The following ZNF519 variants were observed in gnomAD, a reference collection of about 807,000 sequenced individuals.
ZNF519 encodes the protein zinc finger protein 519.
A neutral mutation model predicts 7.4 loss-of-function variants in ZNF519; 7 were observed. That is an observed-to-expected ratio of 0.94 (90% CI 0.54 to 1.77). The LOEUF (loss-of-function observed/expected upper bound fraction) is 1.77, where lower values mean the gene tolerates loss of function less well. Among genes scored for constraint, ZNF519 ranks in the 40% most tolerant of loss-of-function variants. The pLI is 0.00. For synonymous variants in ZNF519, 179 were observed against 203.3 expected, an observed-to-expected ratio of 0.88 and a Z score of 1.02; for missense variants, 586 against 623.1, an observed-to-expected ratio of 0.94 and a Z score of 0.63.
At chr18:14,118,317 C>T (rs573486889) in intron 2 of ZNF519, among the ~76,000 whole-genome samples, 1 of 152,146 alleles carries the variant, frequency 6.6e-6, no homozygotes, top group African/African-American at 2.4e-5. Context: ...CTCGGCCTAC[C>T]AAAGTGCTGG....
chr18:14,085,538 C>T (rs1260061152), intron 2 of ZNF519, among the ~76,000 whole-genome samples: 1 of 152,074 alleles, frequency 6.6e-6, no homozygotes, highest in Non-Finnish European at 1.5e-5. Flanking sequence ...AGCACAAAAG[C>T]ACCTTTACAA....
intron 2 of ZNF519, among the ~76,000 whole-genome samples, chr18:14,114,897 C>G (rs2046238188): frequency 6.6e-6 from 1 of 151,986 alleles, no homozygotes; most frequent in Non-Finnish European, 1.5e-5. Flanking sequence ...CAAAATATCT[C>G]ATGTAACCCA....
Position 14,105,400 on chromosome 18 carries a change from T to C in ZNF519, c.1140A>G (p.Glu380=), listed in dbSNP as rs764836094. The C allele has an allele frequency of 2.5e-6, 4 of 1,613,930 alleles. No individual in the cohort carries two copies. Among genetic ancestry groups the C allele is most frequent in the African/African-American group, 2.7e-5 (2 of 74,906 alleles). The change falls in exon 3 of 3, where the codon GAA becomes GAG. Residue 380 remains glutamate, a synonymous_variant. Coordinates refer to ENST00000590202, the MANE Select transcript of ZNF519 (RefSeq NM_145287.4). The part of the protein sequence containing the change: ...HTGEKPFRCK[E]CGKAFNRSSY... ...AGCTTCTATTAAAGGCTTTGCCACA[T>C]TCCTTACATCTGAAAGGTTTCTCTC...
chr18:14,126,381 G>A (rs1176711368), intron 1 of ZNF519, among the ~76,000 whole-genome samples: 1 of 152,178 alleles, frequency 6.6e-6, no homozygotes, highest in African/African-American at 2.4e-5. Context: ...AATTATATTA[G>A]AAGGTAAATA....
chr18:14,086,621 T>C (rs1401928423), intron 2 of ZNF519, among the ~76,000 whole-genome samples: 1 of 152,150 alleles, frequency 6.6e-6, no homozygotes, highest in Non-Finnish European at 1.5e-5. Context: ...GACCCCAACC[T>C]GGGGACCGTA....
chr18:14,124,360 G>C lies in ZNF519; in HGVS notation c.120C>G (p.Leu40=), dbSNP rs764641202. 6.2e-7 allele frequency: 1 copy of C among 1,603,094 alleles called. No individual in the cohort carries two copies. Among genetic ancestry groups the C allele is most frequent in the Non-Finnish European group, 8.5e-7 (1 of 1,177,590 alleles). The change falls in exon 2 of 3, where the codon CTC becomes CTG. Residue 40 remains leucine, a synonymous_variant. Transcript: ENST00000590202. ...RDVMLENYRN[L]VSLAVYSYYN... ...TGAAGTTATTCTCACCCAGGGAGACGAGGTTTCTGTAGTTCTCCAACATCA... is the reference window on the plus strand; with the variant it reads ...TGAAGTTATTCTCACCCAGGGAGACCAGGTTTCTGTAGTTCTCCAACATCA...
At chr18:14,117,572 T>G (rs2143152029) in intron 2 of ZNF519, among the ~76,000 whole-genome samples, 1 of 152,310 alleles carries the variant, frequency 6.6e-6, no homozygotes, top group Admixed American at 6.5e-5. Context: ...TTCACTGTAT[T>G]CGTTTATTAT....
rs545801602 is a variant in ZNF519 at position 14,078,264 on chromosome 18, G to C, written c.*212C>G. 2.0e-5 allele frequency: 3 copies of C among 152,306 alleles called. No homozygotes were observed. The South Asian group carries it at 6.2e-4, about 32-fold the overall frequency. The allele number at this position is 152,306 out of a possible 1,614,324, so 9.4% of individuals were successfully genotyped here. On this transcript the variant is annotated 3_prime_UTR_variant and NMD_transcript_variant, in exon 4 of 5. Transcript: ENST00000587419. ...GGTACTGGTCTGCAGCCTGGGGGTTGAGGACTTCTGCACATAGGAGCCTGA... is the reference window on the plus strand; with the variant it reads ...GGTACTGGTCTGCAGCCTGGGGGTTCAGGACTTCTGCACATAGGAGCCTGA...
chr18:14,121,920 T>TA (rs1346040558), intron 2 of ZNF519: 3 of 152,218 alleles, frequency 2.0e-5, no homozygotes, highest in African/African-American at 4.8e-5. Context: ...ACAGGGCATT[T>TA]AAAAAATCTA....
chr18:14,116,582 T>C (rs762437467), intron 2 of ZNF519, among the ~76,000 whole-genome samples: 4 of 152,238 alleles, frequency 2.6e-5, no homozygotes, highest in Non-Finnish European at 5.9e-5. Flanking sequence ...CTTCAATAAA[T>C]GGTGTTGGAA....
At position 14,103,118 on chromosome 18, in the gene ZNF519, A is replaced by G. The variant is rs1402412416; in HGVS notation, c.*1799T>C. The G allele has an allele frequency of 6.6e-6, 1 of 152,134 alleles. No homozygotes were observed. Among genetic ancestry groups the G allele is most frequent in the Non-Finnish European group, 1.5e-5 (1 of 67,984 alleles). The allele number at this position is 152,134 out of a possible 1,614,324, so 9.4% of individuals were successfully genotyped here. On this transcript the variant is annotated 3_prime_UTR_variant, in exon 3 of 3. Coordinates refer to ENST00000590202, the MANE Select transcript of ZNF519 (RefSeq NM_145287.4). ...TATTTGGAGTTTATCAGAAGTATAG[A>G]AACTTCTATACTCCAATGTAAATAA...
chr18:14,105,387 A>G lies in ZNF519; in HGVS notation c.1153T>C (p.Phe385Leu). 1 of 1,613,866 alleles carries G rather than the reference A, an allele frequency of 6.2e-7. No homozygotes were observed. The highest frequency in any genetic ancestry group is 8.5e-7 in the Non-Finnish European group (1 of 1,179,978). The stretch of plus-strand genomic sequence containing the variant: ...TGAGTAACGTATGAGCTTCTATTAA[A>G]GGCTTTGCCACATTCCTTACATCTG... Reference protein sequence around the residue: ...PFRCKECGKAFNRSSYVTQHQ... With the variant: ...PFRCKECGKALNRSSYVTQHQ... Residue 385 changes from phenylalanine to leucine, a missense_variant, in exon 3 of 3, where the codon TTT becomes CTT. Phe to Leu is a conservative substitution (Grantham distance 22, BLOSUM62 0). Coordinates refer to ENST00000590202, the MANE Select transcript of ZNF519 (RefSeq NM_145287.4).
chr18:14,098,304 C>T (rs2046146132), downstream of ZNF519, among the ~76,000 whole-genome samples: 1 of 151,864 alleles, frequency 6.6e-6, no homozygotes, highest in African/African-American at 2.4e-5. Context: ...GGATTACAGG[C>T]ACCCACCACA....
downstream of ZNF519, among the ~76,000 whole-genome samples, chr18:14,097,093 G>A (rs921514022): frequency 6.6e-6 from 1 of 152,136 alleles, no homozygotes; most frequent in Non-Finnish European, 1.5e-5. Context: ...TTTATACATA[G>A]TGTGTGCTCC....
chr18:14,123,222 A>T, intron 2 of ZNF519: 6 of 170,136 alleles, frequency 3.5e-5, no homozygotes, highest in Non-Finnish European at 7.7e-5. Flanking sequence ...TTTTATTAAA[A>T]AAAAAAAAAA....
chr18:14,119,177 A>G (rs914837682), intron 2 of ZNF519, among the ~76,000 whole-genome samples: 10 of 152,058 alleles, frequency 6.6e-5, no homozygotes, highest in Admixed American at 1.3e-4. Context: ...ACCCAGCAGC[A>G]CCCTTGTGAC....
At chr18:14,090,660 C>G (rs1281398840) in intron 2 of ZNF519, 3 of 152,268 alleles carry the variant, frequency 2.0e-5, no homozygotes, top group African/African-American at 7.2e-5. Flanking sequence ...ATCTGAGGGT[C>G]CAGGGGAGCC....
chr18:14,088,905 G>C (rs960274525), intron 2 of ZNF519, among the ~76,000 whole-genome samples: 1 of 151,018 alleles, frequency 6.6e-6, no homozygotes, highest in Non-Finnish European at 1.5e-5. Flanking sequence ...AAAATAGTTT[G>C]ATTTTTTTAG....
At chr18:14,074,599 A>C (rs2046040648), downstream of ZNF519, 1 of 152,722 alleles carries the variant, frequency 6.5e-6, no homozygotes, top group Non-Finnish European at 1.5e-5. Flanking sequence ...GGCAGGGGCA[A>C]AATACCATCA....
Sources: allele counts gnomAD v4.1 joint callset (sites outside exome capture counted in the v4.1 genomes callset), GRCh38; gene constraint gnomAD v4.1.1; transcripts MANE v1.5; gene names NCBI Gene and HGNC (gene_info 2026-07-23, HGNC 2026-07-21).